The following FBXL17 variants were observed in gnomAD, a reference collection of about 807,000 sequenced individuals.
The protein encoded by FBXL17 is F-box/LRR-repeat protein 17.
A neutral mutation model predicts 66.2 loss-of-function variants in FBXL17; 22 were observed. The observed-to-expected ratio is 0.33, with a 90% confidence interval of 0.24 to 0.47. The LOEUF is 0.47. Among genes scored for constraint, FBXL17 ranks in the 20% least tolerant of loss-of-function variants. The pLI is 1.00. For missense variants in FBXL17, 878 were observed against 948.2 expected (o/e 0.93, Z 0.97); for synonymous variants, 474 against 400.5 (o/e 1.18, Z -2.19).
intron 6 of FBXL17, among the ~76,000 whole-genome samples, chr5:108,083,571 ATT>A (rs5870295): frequency 2.8e-5 from 4 of 142,386 alleles, no homozygotes; most frequent in Non-Finnish European, 6.1e-5. Context: ...TTTGTGGCTA[ATT>A]TTTTTTTTTT....
At chr5:107,967,917 T>C (rs1287223378) in intron 7 of FBXL17, among the ~76,000 whole-genome samples, 1 of 152,152 alleles carries the variant, frequency 6.6e-6, no homozygotes, top group Non-Finnish European at 1.5e-5. Context: ...TTAGTTATTA[T>C]CTGCTTCAAT....
At chr5:108,055,108 A>G (rs1747635451) in intron 6 of FBXL17, among the ~76,000 whole-genome samples, 1 of 152,054 alleles carries the variant, frequency 6.6e-6, no homozygotes, top group Admixed American at 6.6e-5. Flanking sequence ...CAATAAAATA[A>G]CAGAACGATA....
intron 6 of FBXL17, among the ~76,000 whole-genome samples, chr5:108,087,206 G>A (rs1050806826): frequency 6.6e-6 from 1 of 152,112 alleles, no homozygotes; most frequent in Non-Finnish European, 1.5e-5. Context: ...TGTTGCTTTT[G>A]TTACTTGTAA....
intron 4 of FBXL17, among the ~76,000 whole-genome samples, chr5:108,269,523 T>A (rs983860033): frequency 6.6e-6 from 1 of 152,048 alleles, no homozygotes; most frequent in African/African-American, 2.4e-5. Context: ...TGTAAATTCC[T>A]CAATTTTTAT....
chr5:108,277,759 C>T (rs530514920), intron 4 of FBXL17, among the ~76,000 whole-genome samples: 2 of 152,108 alleles, frequency 1.3e-5, no homozygotes, highest in South Asian at 4.1e-4. Context: ...CAGACCACCA[C>T]AATAAAGTGA....
rs1346316677 is a variant in FBXL17 at position 108,344,182 on chromosome 5, G to A, written c.1506+4217C>T. Among the ~76,000 whole-genome samples the A allele has an allele frequency of 5.8e-5, 3 of 51,988 alleles. No homozygotes were observed. In the East Asian group the frequency reaches 1.4e-3, roughly 25 times the overall value. 34.1% of individuals were successfully genotyped at this position (51,988 alleles called of 152,430 possible). ...TAAAATGCTTTCAGCCTAGGGGGTC[G>A]GGGGGGAAAGCCTGGAGAGGTGAAT... is the stretch of plus-strand genomic sequence containing the variant. On this transcript the variant is annotated intron_variant, in intron 4 of 8. Transcript: ENST00000542267.
chr5:108,359,719 G>A (rs763989143), intron 3 of FBXL17, among the ~76,000 whole-genome samples: 8 of 152,020 alleles, frequency 5.3e-5, no homozygotes, highest in Non-Finnish European at 1.0e-4. Context: ...TCAAACATAT[G>A]GTCTATCTGT....
intron 6 of FBXL17, among the ~76,000 whole-genome samples, chr5:108,071,465 G>A (rs141894186): frequency 1.2e-4 from 19 of 152,262 alleles, no homozygotes; most frequent in Admixed American, 1.2e-3. Flanking sequence ...TGACTTCACT[G>A]AAGTGCATGG....
intron 4 of FBXL17, among the ~76,000 whole-genome samples, chr5:108,273,503 T>C (rs1279398548): frequency 1.3e-5 from 2 of 152,066 alleles, no homozygotes; most frequent in South Asian, 2.1e-4. Flanking sequence ...CTTGGATAAA[T>C]GAGGGAGAAA....
chr5:108,177,283 A>T (rs2150022708), intron 6 of FBXL17, among the ~76,000 whole-genome samples: 1 of 152,354 alleles, frequency 6.6e-6, no homozygotes, highest in East Asian at 1.9e-4. Context: ...ATCATAAGAA[A>T]TGAAGAGTAT....
intron 6 of FBXL17, among the ~76,000 whole-genome samples, chr5:108,183,798 G>A (rs1490851337): frequency 1.3e-5 from 2 of 152,062 alleles, no homozygotes; most frequent in Admixed American, 6.6e-5. Flanking sequence ...ACGCCCACTC[G>A]TAAGTGAGAC....
chr5:108,102,204 G>A (rs892564601), intron 6 of FBXL17, among the ~76,000 whole-genome samples: 8 of 152,192 alleles, frequency 5.3e-5, no homozygotes, highest in Non-Finnish European at 1.0e-4. Flanking sequence ...GGGCACAGGA[G>A]AGCCTGGTCC....
At chr5:108,199,771 A>C (rs2150047508) in intron 5 of FBXL17, among the ~76,000 whole-genome samples, 1 of 152,298 alleles carries the variant, frequency 6.6e-6, no homozygotes, top group African/African-American at 2.4e-5. Context: ...GCAGAATGAC[A>C]CAGAAAGGAA....
intron 6 of FBXL17, among the ~76,000 whole-genome samples, chr5:108,052,159 C>T (rs1730369369): frequency 6.7e-6 from 1 of 150,238 alleles, no homozygotes; most frequent in Non-Finnish European, 1.5e-5. Flanking sequence ...GACAAGAATG[C>T]CCTCTCTCAC....
At chr5:108,297,886 CT>C in intron 4 of FBXL17, 1 of 933,454 alleles carries the variant, frequency 1.1e-6, no homozygotes, top group Non-Finnish European at 1.3e-6. Flanking sequence ...AACAAAAAAC[CT>C]AAAATATTCA....
chr5:107,914,168 G>A (rs192628898), intron 7 of FBXL17, among the ~76,000 whole-genome samples: 25 of 152,160 alleles, frequency 1.6e-4, no homozygotes, highest in Non-Finnish European at 2.5e-4. Context: ...TCATTGAAAC[G>A]AGAACAGTGG....
rs1748078493 is a variant in FBXL17 at position 107,860,031 on chromosome 5, C to T, written c.*1689G>A. On this transcript the variant is annotated 3_prime_UTR_variant, in exon 9 of 9. Transcript: ENST00000542267. ...CCCATTTAGTTATGGGAAGAATACT[C>T]ATGGCGCTTACTGACTAGATTTTCC... 6.6e-6 allele frequency: 1 copy of T among 152,152 alleles called. No homozygotes were observed. Among genetic ancestry groups the T allele is most frequent in the Non-Finnish European group, 1.5e-5 (1 of 68,006 alleles). 9.4% of individuals were successfully genotyped at this position (152,152 alleles called of 1,614,324 possible).
intron 6 of FBXL17, among the ~76,000 whole-genome samples, chr5:108,049,293 C>T (rs1431169576): frequency 6.6e-6 from 1 of 152,002 alleles, no homozygotes; most frequent in Non-Finnish European, 1.5e-5. Flanking sequence ...CAGGCACCCA[C>T]CACCACACCC....
At chr5:108,162,443 G>A (rs1752251356) in intron 6 of FBXL17, among the ~76,000 whole-genome samples, 2 of 152,188 alleles carry the variant, frequency 1.3e-5, no homozygotes, top group Middle Eastern at 3.4e-3. Context: ...TTACAGTGAC[G>A]TATGTCACTG....
Sources: gnomAD v4.1 joint callset for allele counts (sites outside exome capture counted in the v4.1 genomes callset) on GRCh38, gnomAD v4.1.1 for gene constraint, MANE v1.5 for transcripts, NCBI Gene and HGNC (gene_info 2026-07-23, HGNC 2026-07-21) for gene names.